The following INCA1 variants were observed in gnomAD, a reference collection of about 807,000 sequenced individuals.
The protein encoded by INCA1 is protein INCA1.
A neutral mutation model predicts 25.7 loss-of-function variants in INCA1; 28 were observed. That is an observed-to-expected ratio of 1.09 (90% confidence interval 0.81 to 1.49). INCA1 has a LOEUF of 1.49. INCA1 is among the 40% of genes most tolerant of loss of function. INCA1 has a pLI of 0.00. For synonymous variants in INCA1, 111 were observed against 103.6 expected, an observed-to-expected ratio of 1.07 and a Z score of -0.43; for missense variants, 309 against 290.9, an observed-to-expected ratio of 1.06 and a Z score of -0.45.
At chr17:4,989,381 C>A (rs767530932) in intron 5 of INCA1, 47 bp downstream of exon 5, 1 of 1,563,556 alleles carries the variant, frequency 6.4e-7, no homozygotes, top group Non-Finnish European at 8.7e-7. Flanking sequence ...CTGTTCTGCC[C>A]CCAAATCCTG....
intron 1 of INCA1, among the ~76,000 whole-genome samples, chr17:4,996,192 C>T (rs1974244854): frequency 6.6e-6 from 1 of 152,090 alleles, no homozygotes; most frequent in East Asian, 1.9e-4. Context: ...TGAGACCAGC[C>T]TGGGCAACAT....
exon 5 of INCA1, chr17:4,989,537 G>A (rs756594275): frequency 1.9e-6 from 3 of 1,614,186 alleles, no homozygotes; most frequent in Non-Finnish European, 2.5e-6. Flanking sequence ...TCCAAACATG[G>A]CCTCCTCTTC....
chr17:4,989,013 T>A (rs937245523), intron 5 of INCA1, 69 bp from the exon 6 acceptor site: 3 of 1,487,320 alleles, frequency 2.0e-6, no homozygotes, highest in African/African-American at 2.8e-5. Context: ...ATTCTTCACC[T>A]TTCTGTTCTG....
exon 2 of INCA1, chr17:4,994,446 G>C (rs772716458): frequency 1.1e-5 from 17 of 1,613,334 alleles, no homozygotes; most frequent in African/African-American, 4.0e-5. Flanking sequence ...ATGACTGGAC[G>C]GGGCTGGGTA....
At chr17:4,994,325 G>A in intron 2 of INCA1, 69 bp downstream of exon 2, 2 of 1,428,082 alleles carry the variant, frequency 1.4e-6, no homozygotes, top group Non-Finnish European at 2.0e-6. Flanking sequence ...ATCCTCTTAG[G>A]GAAGGACCCA....
At chr17:4,992,826 T>C (rs1973965517) in intron 2 of INCA1, among the ~76,000 whole-genome samples, 1 of 151,886 alleles carries the variant, frequency 6.6e-6, no homozygotes, top group Non-Finnish European at 1.5e-5. Flanking sequence ...CCTCCCACCT[T>C]GGCCTCCCAA....
chr17:4,989,986 CTTCT>C, intron 3 of INCA1, 57 bp from the exon 4 acceptor site: 2 of 1,612,612 alleles, frequency 1.2e-6, no homozygotes, highest in Non-Finnish European at 1.7e-6. Flanking sequence ...ATCCATATTG[CTTCT>C]TTAATAATCT....
chr17:4,996,116 G>T (rs986249683), intron 1 of INCA1, among the ~76,000 whole-genome samples: 7 of 152,074 alleles, frequency 4.6e-5, no homozygotes, highest in Non-Finnish European at 1.0e-4. Flanking sequence ...TGGGCACACT[G>T]GCTCACGCCT....
Position 4,990,839 on chromosome 17 carries a change from C to T in INCA1, c.45-574G>A, listed in dbSNP as rs537193409. Among the ~76,000 whole-genome samples, 34 of 149,376 alleles carry T rather than the reference C, an allele frequency of 2.3e-4. No individual in the cohort carries two copies. In the East Asian group the frequency reaches 2.4e-3, roughly 11 times the overall value. On this transcript the variant is annotated intron_variant, in intron 2 of 6. Coordinates refer to ENST00000576820, the Ensembl canonical transcript of INCA1. ...AGGAGGTTGCAGTGAGTCGAAATCG[C>T]GCCATTGCACTCCAGCTTGGGTGAC...
At chr17:4,992,345 C>CTGT (rs2143207546) in intron 2 of INCA1, among the ~76,000 whole-genome samples, 1 of 151,344 alleles carries the variant, frequency 6.6e-6, no homozygotes, top group Non-Finnish European at 1.5e-5. Flanking sequence ...TGCAGTGACC[C>CTGT]AATTATAGCT....
Position 4,988,527 on chromosome 17 carries a change from C to A in INCA1, c.589G>T (p.Asp197Tyr), listed in dbSNP as rs374834224. ...CTGGAGGCACAAGCCTCCTCCTGAT[C>A]CAGGGGGCTCCAGGGAGACCAAAGC... The change falls in exon 7 of 7, where the codon GAT becomes TAT. Residue 197 changes from aspartate (D) to tyrosine (Y), a missense_variant. Physicochemically the swap from Asp to Tyr is radical, Grantham distance 160. Transcript: ENST00000576820. The A allele has an allele frequency of 1.9e-6, 3 of 1,609,850 alleles. No homozygotes were observed. In the African/African-American group the frequency reaches 4.0e-5, roughly 22 times the overall value.
chr17:4,989,534 A>G (rs1167328175), exon 5 of INCA1: 2 of 1,614,160 alleles, frequency 1.2e-6, no homozygotes, highest in East Asian at 2.2e-5. Context: ...CCTTCCAAAC[A>G]TGGCCTCCTC....
chr17:4,994,739 G>A (rs1440064069), intron 1 of INCA1, among the ~76,000 whole-genome samples: 17 of 140,178 alleles, frequency 1.2e-4, no homozygotes, highest in African/African-American at 3.7e-4. Flanking sequence ...GCAGTGAGCC[G>A]AGATCGCGCC....
At chr17:4,988,477 G>T (rs1973527079) in exon 7 of INCA1, 1 of 1,614,112 alleles carries the variant, frequency 6.2e-7, no homozygotes, top group African/African-American at 1.3e-5. Context: ...TGACAGTGCT[G>T]AACGAGGCCA....
intron 2 of INCA1, among the ~76,000 whole-genome samples, chr17:4,993,767 CTTTTTTTTTTTTT>C (rs934109564): frequency 1.3e-4 from 13 of 97,322 alleles, no homozygotes; most frequent in African/African-American, 4.9e-4. Flanking sequence ...CGTGCCTGGC[CTTTTTTTTTTTTT>C]TTTTTTTTTG....
At chr17:4,989,927 G>A in exon 4 of INCA1, 1 of 1,614,182 alleles carries the variant, frequency 6.2e-7, no homozygotes, top group Non-Finnish European at 8.5e-7. Flanking sequence ...CAGCCAAGTG[G>A]GGCTGTGAAG....
chr17:4,995,140 A>G (rs1274795984), intron 1 of INCA1, among the ~76,000 whole-genome samples: 2 of 151,598 alleles, frequency 1.3e-5, no homozygotes, highest in Non-Finnish European at 2.9e-5. Flanking sequence ...GGGAGTAGGA[A>G]GTTGCAGTGA....
In INCA1 at chr17:4,993,780, T is replaced by TC. The variant is rs1479751045; in HGVS notation, c.44+613_44+614insG. 4.3e-3 allele frequency among the ~76,000 whole-genome samples: 608 copies of TC among 140,740 alleles called. 11 individuals are homozygous for TC. The highest frequency in any genetic ancestry group is 0.016 in the African/African-American group (583 of 37,074). 92.3% of individuals were successfully genotyped at this position (140,740 alleles called of 152,430 possible). A position where few individuals can be genotyped will look rare whatever the true frequency, so the allele number is the denominator to read the frequency against. On this transcript the variant is annotated intron_variant, in intron 2 of 6. Coordinates refer to ENST00000576820, the Ensembl canonical transcript of INCA1. ...ACCGTGCCTGGCCTTTTTTTTTTTT[T>TC]TTTTTTTTTGAGATGGAGTCTTGTT...
At chr17:4,990,251 A>C in exon 3 of INCA1, 10 of 1,613,552 alleles carry the variant, frequency 6.2e-6, no homozygotes, top group Non-Finnish European at 7.6e-6. Flanking sequence ...AGATCGGCTG[A>C]CCACCCTGGA....
Sources: gnomAD v4.1 joint callset for allele counts (sites outside exome capture counted in the v4.1 genomes callset) on GRCh38, gnomAD v4.1.1 for gene constraint, MANE v1.5 for transcripts, NCBI Gene and HGNC (gene_info 2026-07-23, HGNC 2026-07-21) for gene names.